CDH23: variants seen among roughly 807,000 people sequenced by gnomAD.
The protein encoded by CDH23 is cadherin-23.
A neutral mutation model predicts 317.1 loss-of-function variants in CDH23; 189 were observed. That is an observed-to-expected ratio of 0.60 (90% confidence interval 0.53 to 0.67). The LOEUF (loss-of-function observed/expected upper bound fraction) is 0.67, where lower values mean the gene tolerates loss of function less well. CDH23 is among the 30% of genes least tolerant of loss of function. The pLI is 0.00. For missense variants in CDH23, 4,401 were observed against 4,592.4 expected (o/e 0.96, Z 1.20); for synonymous variants, 1,839 against 1,876.8 (o/e 0.98, Z 0.52).
chr10:71,623,061 G>T (rs1861544154), intron 11 of CDH23: 12 of 561,780 alleles, frequency 2.1e-5, no homozygotes, highest in Non-Finnish European at 2.7e-5. Context: ...CTAGGTCCTG[G>T]GGGGACTGAG....
chr10:71,791,793 C>G (rs956555629), intron 47 of CDH23, among the ~76,000 whole-genome samples: 2 of 152,044 alleles, frequency 1.3e-5, no homozygotes, highest in Admixed American at 6.5e-5. Context: ...CCAGGCTGGT[C>G]GCAAACTCCT....
At chr10:71,546,896 T>C (rs956860420) in intron 6 of CDH23, among the ~76,000 whole-genome samples, 5 of 152,212 alleles carry the variant, frequency 3.3e-5, no homozygotes, top group African/African-American at 1.2e-4. Context: ...TCGGTGAATA[T>C]TTGTTGAATG....
intron 38 of CDH23, among the ~76,000 whole-genome samples, chr10:71,775,551 C>T (rs1840798474): frequency 6.6e-6 from 1 of 152,162 alleles, no homozygotes; most frequent in Non-Finnish European, 1.5e-5. Flanking sequence ...CCAGAAACCT[C>T]AAGCACTGTT....
rs200632520 is a variant in CDH23, at chr10:71,712,706, G to A, written c.3262G>A (p.Val1088Met). ...VGKRHTGTATVFVTVLDVNDN... is the reference protein window; with the variant it reads ...VGKRHTGTATMFVTVLDVNDN... ...GAAGCGACACACGGGCACAGCCACCGTGTTCGTCACTGTCCTGGATGTGAA... is the reference window on the plus strand; with the variant it reads ...GAAGCGACACACGGGCACAGCCACCATGTTCGTCACTGTCCTGGATGTGAA... Residue 1088 changes from valine (V) to methionine (M), a missense_variant, in exon 28 of 70, where the codon GTG (valine) becomes ATG (methionine). Val to Met is a conservative substitution (Grantham distance 21). Around this residue, in one of 3 missense-constraint regions of CDH23, gnomAD observed 3,068 missense variants for 3,203.3 expected, o/e 0.96. Coordinates refer to ENST00000224721, the MANE Select transcript of CDH23 (RefSeq NM_022124.6). 119 of 1,613,722 alleles carry A rather than the reference G, an allele frequency of 7.4e-5. No individual in the cohort carries two copies. The East Asian group carries it at 1.3e-3, about 17-fold the overall frequency.
At position 71,702,673 on chromosome 10, in the gene CDH23, G is replaced by A. The variant is rs570110527; in HGVS notation, c.2712G>A (p.Pro904=). ...TGGCCGAGGTGCTTGAAGGCATCCC[G>A]GCGGGGGTCTCCATCTACCAAGTGA... is the stretch of plus-strand genomic sequence containing the variant. The part of the protein sequence containing the change: ...PFVAEVLEGI[P]AGVSIYQVVA... Residue 904 remains proline (P), a synonymous_variant, in exon 24 of 70, where the codon CCG becomes CCA. Transcript: ENST00000224721. The A allele has an allele frequency of 3.5e-4, 568 of 1,613,818 alleles. 9 individuals are homozygous for A. In the South Asian group the frequency reaches 5.9e-3, roughly 17 times the overall value.
intron 3 of CDH23, among the ~76,000 whole-genome samples, chr10:71,471,496 G>T (rs996777717): frequency 2.0e-5 from 3 of 151,688 alleles, no homozygotes; most frequent in African/African-American, 7.3e-5. Flanking sequence ...GCTCTCTGTG[G>T]TGCGATTTCC....
At chr10:71,748,075 G>A (rs748244649) in intron 38 of CDH23, 15 of 152,144 alleles carry the variant, frequency 9.9e-5, no homozygotes, top group African/African-American at 2.4e-4. Flanking sequence ...CTGAGAAAAC[G>A]TTAACCCAGC....
intron 3 of CDH23, among the ~76,000 whole-genome samples, chr10:71,475,375 T>C (rs1851737356): frequency 6.6e-6 from 1 of 152,098 alleles, no homozygotes; most frequent in African/African-American, 2.4e-5. Context: ...GGTTTGGAGT[T>C]CCTGTTCCTG....
At chr10:71,729,891 G>A (rs747662546) in intron 30 of CDH23, among the ~76,000 whole-genome samples, 9 of 151,558 alleles carry the variant, frequency 5.9e-5, no homozygotes, top group Non-Finnish European at 1.3e-4. Flanking sequence ...CTGGAGTGCA[G>A]TGGCGCGATC....
Position 71,802,903 on chromosome 10 carries a change from G to T in CDH23, c.7488G>T (p.Val2496=). 1 of 1,614,014 alleles carries T rather than the reference G, an allele frequency of 6.2e-7. No homozygotes were observed. The highest frequency in any genetic ancestry group is 8.5e-7 in the Non-Finnish European group (1 of 1,179,890). Reference sequence around the variant, plus strand: ...CTTGACCTCCATCCACCCAGGTGGTGATCCAAGTGCTGGATGTCAATGACT... The same window carrying T: ...CTTGACCTCCATCCACCCAGGTGGTTATCCAAGTGCTGGATGTCAATGACT... The part of the protein sequence containing the change: ...SNRRENSVQV[V]IQVLDVNDCR... Residue 2496 remains valine, a synonymous_variant, in exon 54 of 70, where the codon GTG becomes GTT. Coordinates refer to ENST00000224721, the MANE Select transcript of CDH23 (RefSeq NM_022124.6).
At chr10:71,716,954 T>A (rs976405569) in intron 28 of CDH23, 1 of 152,254 alleles carries the variant, frequency 6.6e-6, no homozygotes, top group Non-Finnish European at 1.5e-5. Context: ...CTCATCCCTG[T>A]GTCTGGGGCT....
intron 9 of CDH23, among the ~76,000 whole-genome samples, chr10:71,590,514 A>G (rs1859394784): frequency 6.6e-6 from 1 of 152,176 alleles, no homozygotes; most frequent in South Asian, 2.1e-4. Context: ...TTGAATCCAT[A>G]AAGGCAGATG....
Position 71,716,121 on chromosome 10 carries a change from C to T in CDH23, c.3369+3308C>T, listed in dbSNP as rs773965872. 2.5e-5 allele frequency: 39 copies of T among 1,548,924 alleles called. 1 individual carries two copies. The South Asian group carries it at 4.1e-4, about 16-fold the overall frequency. On this transcript the variant is annotated intron_variant, in intron 28 of 69. Transcript: ENST00000224721. ...CTCCCAGGGTGGTGGGGCATGCACT[C>T]GTGAGCCCTGCGGCGGCTCGGGTCC...
rs1401438297 is a variant in CDH23 at position 71,724,065 on chromosome 10, T to C, written c.3390T>C (p.Asp1130=). Residue 1130 remains aspartate (D), a synonymous_variant, in exon 29 of 70, where the codon GAT becomes GAC. Coordinates refer to ENST00000224721, the MANE Select transcript of CDH23 (RefSeq NM_022124.6). The stretch of plus-strand genomic sequence containing the variant: ...CTCAGCTGAAAGCCACGGACGCAGA[T>C]GAGGGCGAGTTTGGGCGTGTGTGGT... ...SILQLKATDA[D]EGEFGRVWYR... is the part of the protein sequence containing the mutation. 1 of 1,560,724 alleles carries C rather than the reference T, an allele frequency of 6.4e-7. No individual in the cohort carries two copies. Among genetic ancestry groups the C allele is most frequent in the Admixed American group, 1.9e-5 (1 of 52,076 alleles).
chr10:71,527,047 C>G (rs1489623062), intron 6 of CDH23, among the ~76,000 whole-genome samples: 1 of 152,182 alleles, frequency 6.6e-6, no homozygotes, highest in Admixed American at 6.5e-5. Context: ...GACACCTGGA[C>G]TGTGGCACCT....
chr10:71,785,233 T>C (rs945869355), intron 43 of CDH23, 133 bp downstream of exon 43: 46 of 687,306 alleles, frequency 6.7e-5, no homozygotes, highest in Non-Finnish European at 1.0e-4. Flanking sequence ...TGAGGACACC[T>C]CTGTGGGAAG....
At chr10:71,518,012 A>G (rs1854439735) in intron 6 of CDH23, among the ~76,000 whole-genome samples, 1 of 152,174 alleles carries the variant, frequency 6.6e-6, no homozygotes, top group South Asian at 2.1e-4. Flanking sequence ...GTGAAGCGAC[A>G]TATGCTTGTG....
intron 3 of CDH23, among the ~76,000 whole-genome samples, chr10:71,495,115 CACAA>C (rs1564615144): frequency 6.6e-6 from 1 of 152,192 alleles, no homozygotes; most frequent in East Asian, 1.9e-4. Flanking sequence ...CTTTTAAAAA[CACAA>C]ACAGAGGCAA....
intron 69 of CDH23, 88 bp from the exon 70 acceptor site, chr10:71,814,864 G>C: frequency 2.1e-6 from 3 of 1,428,914 alleles, no homozygotes; most frequent in Non-Finnish European, 2.8e-6. Context: ...CCAAGGTTCA[G>C]CCACATAGCC....
Sources: gnomAD v4.1 joint callset for allele counts (sites outside exome capture counted in the v4.1 genomes callset) on GRCh38, gnomAD v4.1.1 for gene constraint, gnomAD v4.1.1 regional missense constraint, MANE v1.5 for transcripts, NCBI Gene and HGNC (gene_info 2026-07-23, HGNC 2026-07-21) for gene names.